SSH2: variants seen among roughly 807,000 people sequenced by gnomAD.
The protein encoded by SSH2 is slingshot protein phosphatase 2, also known as protein phosphatase Slingshot homolog 2.
SSH2 carries 37 observed loss-of-function variants against 135.2 expected under a neutral mutation model. The ratio of observed to expected loss-of-function variants is 0.27; its 90% CI spans 0.21 to 0.36. The LOEUF is 0.36. Ranked by LOEUF, SSH2 falls within the 10% of genes least tolerant of loss-of-function variation. SSH2 has a pLI of 1.00. For missense variants in SSH2, 1,408 were observed against 1,765.3 expected (o/e 0.80, Z 3.63); for synonymous variants, 628 against 646.2 (o/e 0.97, Z 0.43).
chr17:29,810,792 T>G (rs978417612), intron 2 of SSH2, among the ~76,000 whole-genome samples: 2 of 152,238 alleles, frequency 1.3e-5, no homozygotes, highest in Admixed American at 6.5e-5. Flanking sequence ...ACCCACTTAG[T>G]CTTCCAAATG....
rs570862429 is a variant in SSH2, at chr17:29,677,840, T to C, written c.480-99A>G. ...CAACACCAAGGATAAACCCTTAAAT[T>C]CTAAATTCTGGCATAAGTGTTACAA... On this transcript the variant is annotated intron_variant, in intron 6 of 15. Coordinates refer to ENST00000540801, the MANE Select transcript of SSH2 (RefSeq NM_001282129.2). 34 of 914,340 alleles carry C rather than the reference T, an allele frequency of 3.7e-5. No homozygotes were observed. The South Asian group carries it at 4.8e-4, about 13-fold the overall frequency. 56.6% of individuals were successfully genotyped at this position (914,340 alleles called of 1,614,324 possible).
intron 3 of SSH2, among the ~76,000 whole-genome samples, chr17:29,718,024 G>A (rs530434503): frequency 6.6e-6 from 1 of 152,328 alleles, no homozygotes; most frequent in East Asian, 1.9e-4. Flanking sequence ...AGGGCAAGTG[G>A]TGTAGGGTTT....
At chr17:29,748,368 A>C (rs1163478188) in intron 3 of SSH2, among the ~76,000 whole-genome samples, 1 of 152,224 alleles carries the variant, frequency 6.6e-6, no homozygotes, top group Admixed American at 6.5e-5. Flanking sequence ...ACTAGATGTA[A>C]ACCAATTTGA....
chr17:29,723,609 A>T (rs1258897505), intron 3 of SSH2, among the ~76,000 whole-genome samples: 1 of 152,172 alleles, frequency 6.6e-6, no homozygotes, highest in Non-Finnish European at 1.5e-5. Flanking sequence ...AATGGCCCTA[A>T]GTAAGGAACT....
chr17:29,720,003 C>A (rs764945257), intron 3 of SSH2, among the ~76,000 whole-genome samples: 10 of 152,212 alleles, frequency 6.6e-5, no homozygotes, highest in Non-Finnish European at 1.5e-4. Context: ...AGGTGATTCA[C>A]CTGCCTTGGC....
intron 1 of SSH2, among the ~76,000 whole-genome samples, chr17:29,866,312 A>G (rs556703229): frequency 6.6e-6 from 1 of 151,928 alleles, no homozygotes; most frequent in African/African-American, 2.4e-5. Context: ...TGATAGCAAA[A>G]CTACCAAAAG....
At position 29,677,682 on chromosome 17, in the gene SSH2, T is replaced by C; in HGVS notation, c.539A>G (p.Asp180Gly). 1 of 1,613,926 alleles carries C rather than the reference T, an allele frequency of 6.2e-7. No homozygotes were observed. The highest frequency in any genetic ancestry group is 8.5e-7 in the Non-Finnish European group (1 of 1,179,844). Reference sequence around the variant, plus strand: ...AAAGGAAATCTCTTACCCATCACCATCCAAATGAATTAGCGTGTCGCTCCA... The same window carrying C: ...AAAGGAAATCTCTTACCCATCACCACCCAAATGAATTAGCGTGTCGCTCCA... ...PLWSDTLIHL[D>G]GDGGFSVSTD... The change falls in exon 7 of 16, where the codon GAT (aspartate) becomes GGT (glycine). Residue 180 changes from aspartate to glycine, a missense_variant. Transcript: ENST00000540801.
chr17:29,639,737 T>C (rs1396488663), intron 14 of SSH2: 1 of 151,898 alleles, frequency 6.6e-6, no homozygotes, highest in Non-Finnish European at 1.5e-5. Flanking sequence ...CTCAAGTGAG[T>C]GGCTGTGGGG....
intron 1 of SSH2, among the ~76,000 whole-genome samples, chr17:29,868,001 C>A (rs2065881146): frequency 6.6e-6 from 1 of 152,140 alleles, no homozygotes; most frequent in Non-Finnish European, 1.5e-5. Context: ...CACACTGTAA[C>A]AAGGTCATTT....
Position 29,684,595 on chromosome 17 carries a change from G to A in SSH2, c.447C>T (p.Ile149=), listed in dbSNP as rs1393482146. The part of the protein sequence containing the change: ...TNGRQDTEES[I]VLGMDFSSND... ...TAGAGGAGAAATCCATTCCTAGGAC[G>A]ATGCTTTCTTCAGTGTCTTGTCTAC... is the stretch of plus-strand genomic sequence containing the variant. The change falls in exon 6 of 16, where the codon ATC becomes ATT. Residue 149 remains isoleucine (I), a synonymous_variant. Transcript: ENST00000540801. The A allele has an allele frequency of 2.5e-6, 4 of 1,612,160 alleles. No homozygotes were observed. The highest frequency in any genetic ancestry group is 2.2e-5 in the East Asian group (1 of 44,798).
intron 4 of SSH2, among the ~76,000 whole-genome samples, chr17:29,699,228 A>T (rs2038883851): frequency 6.6e-6 from 1 of 152,230 alleles, no homozygotes; most frequent in Non-Finnish European, 1.5e-5. Flanking sequence ...GTTTCCATTT[A>T]AAATACTGGC....
At chr17:29,658,699 C>G (rs2036892631) in intron 11 of SSH2, among the ~76,000 whole-genome samples, 1 of 152,008 alleles carries the variant, frequency 6.6e-6, no homozygotes, top group African/African-American at 2.4e-5. Flanking sequence ...GAAACCCCGT[C>G]TCTACTAAAA....
rs762562523 is a variant in SSH2 at position 29,630,980 on chromosome 17, T to C, written c.4214A>G (p.Gln1405Arg). 3 of 1,613,814 alleles carry C rather than the reference T, an allele frequency of 1.9e-6. No individual in the cohort carries two copies. Among genetic ancestry groups the C allele is most frequent in the South Asian group, 1.1e-5 (1 of 91,086 alleles). Reference protein sequence around the residue: ...SEGGLPVLQTQGLQCACPAPG... With the variant: ...SEGGLPVLQTRGLQCACPAPG... ...AGCTGGGCATGCACACTGCAGTCCC[T>C]GGGTCTGTAGCACGGGAAGGCCTCC... The change falls in exon 16 of 16, where the codon CAG (glutamine) becomes CGG (arginine). Residue 1405 changes from glutamine (Q) to arginine (R), a missense_variant. Physicochemically the swap from Gln to Arg is conservative, Grantham distance 43. Around this residue, in one of 3 missense-constraint regions of SSH2, gnomAD observed 1,080 missense variants for 1,144.5 expected, o/e 0.94. Transcript: ENST00000540801.
At chr17:29,895,370 T>C (rs55766578) in intron 1 of SSH2, among the ~76,000 whole-genome samples, 17 of 36 alleles carry the variant, frequency 0.47, no homozygotes, top group Non-Finnish European at 0.5. Context: ...ATTTTATATA[T>C]ACATTTTATA....
chr17:29,871,519 T>C (rs1428881585), intron 1 of SSH2, among the ~76,000 whole-genome samples: 1 of 152,228 alleles, frequency 6.6e-6, no homozygotes, highest in Non-Finnish European at 1.5e-5. Flanking sequence ...TTGTAGGCAA[T>C]TCTTTTTCAT....
chr17:29,684,765 C>T, intron 5 of SSH2, 81 bp from the exon 6 acceptor site: 1 of 1,375,936 alleles, frequency 7.3e-7, no homozygotes. Context: ...TCATCAGCAT[C>T]TTAAAGCATA....
intron 1 of SSH2, among the ~76,000 whole-genome samples, chr17:29,873,451 C>T (rs564945792): frequency 7.6e-4 from 115 of 151,814 alleles, no homozygotes; most frequent in African/African-American, 2.0e-3. Context: ...CCCAGCTGCT[C>T]GGGAGGCTGA....
At chr17:29,777,815 A>AAC (rs2041741607) in intron 3 of SSH2, 1 of 148,198 alleles carries the variant, frequency 6.7e-6, no homozygotes, top group Non-Finnish European at 1.5e-5. Context: ...AAAAAAAAAA[A>AAC]CCTGATCTGG....
intron 3 of SSH2, among the ~76,000 whole-genome samples, chr17:29,709,550 G>A (rs761270713): frequency 6.6e-6 from 1 of 152,096 alleles, no homozygotes; most frequent in African/African-American, 2.4e-5. Flanking sequence ...GGTGGCACAC[G>A]CTTATAATCC....
Sources: gnomAD v4.1 joint callset for allele counts (sites outside exome capture counted in the v4.1 genomes callset) on GRCh38, gnomAD v4.1.1 for gene constraint, gnomAD v4.1.1 regional missense constraint, MANE v1.5 for transcripts, NCBI Gene and HGNC (gene_info 2026-07-23, HGNC 2026-07-21) for gene names.